Variants in MOB2 observed in about 807,000 individuals in gnomAD.
MOB2 encodes the protein MOB kinase activator 2.
A neutral mutation model predicts 27.4 loss-of-function variants in MOB2; 14 were observed. That is an observed-to-expected ratio of 0.51 (90% confidence interval 0.34 to 0.80). MOB2 has a LOEUF of 0.80. MOB2 is among the 30% of genes least tolerant of loss of function. The pLI is 0.01. For missense variants in MOB2, 304 were observed against 354.6 expected, an observed-to-expected ratio of 0.86 and a Z score of 1.15; for synonymous variants, 167 against 151.8, an observed-to-expected ratio of 1.10 and a Z score of -0.74.
chr11:1,470,470 G>A lies in MOB2; in HGVS notation c.509C>T (p.Ser170Phe). The stretch of plus-strand genomic sequence containing the variant: ...GATCTTCCTCACCAGGGACTCAAAG[G>A]AGCTGGGGAATTCTCTGCCTGGGGA... ...PTKYGREFPS[S>F]FESLVRKICR... The change falls in exon 5 of 5, where the codon TCC becomes TTC. Residue 170 changes from serine to phenylalanine, a missense_variant. Physicochemically the swap from Ser to Phe is radical, Grantham distance 155 (BLOSUM62 -2). Coordinates refer to ENST00000329957, the MANE Select transcript of MOB2 (RefSeq NM_001172223.3). The A allele has an allele frequency of 7.4e-6, 12 of 1,612,264 alleles. No individual in the cohort carries two copies. The highest frequency in any genetic ancestry group is 1.0e-5 in the Non-Finnish European group (12 of 1,178,842).
At chr11:1,471,544 GTGTCTCCCTCCCTGGACATGCACAC>G (rs1393385283) in intron 3 of MOB2, 125 bp from the exon 4 acceptor site, 2 of 1,221,002 alleles carry the variant, frequency 1.6e-6, no homozygotes, top group Middle Eastern at 2.8e-4. Context: ...GCAGACCCAG[GTGTCTCCCTCCCTGGACATGCACAC>G]TGTCCCCACA....
At position 1,480,774 on chromosome 11, in the gene MOB2, C is replaced by G; in HGVS notation, c.222G>C (p.Leu74=). ...ARITDFQFKE[L]VVLPREIDLN... is the part of the protein sequence containing the mutation. ...GGTCAATCTCGCGGGGCAGCACCACCAGCTCCTTGAACTGGAAGTCGGTGA... is the reference window on the plus strand; with the variant it reads ...GGTCAATCTCGCGGGGCAGCACCACGAGCTCCTTGAACTGGAAGTCGGTGA... The change falls in exon 2 of 5, where the codon CTG becomes CTC. Residue 74 remains leucine (L), a synonymous_variant. Transcript: ENST00000329957. 1.2e-6 allele frequency: 2 copies of G among 1,604,842 alleles called. No individual in the cohort carries two copies. Among genetic ancestry groups the G allele is most frequent in the Non-Finnish European group, 1.7e-6 (2 of 1,176,250 alleles).
chr11:1,469,450 C>T (rs1056262374), downstream of MOB2: 3 of 405,268 alleles, frequency 7.4e-6, no homozygotes, highest in African/African-American at 2.0e-5. Context: ...GAGACGTACA[C>T]AGGCTCTGAC....
Position 1,469,483 on chromosome 11 carries a change from G to T in MOB2, c.*689C>A, listed in dbSNP as rs533322029. On this transcript the variant is annotated 3_prime_UTR_variant, in exon 5 of 5. Transcript: ENST00000329957. ...GACCTGAGAGAATTCTTTTTATTAC[G>T]AGTGAACAGATGAACTAAGGTAAGC... 2.2e-6 allele frequency: 1 copy of T among 445,172 alleles called. No individual in the cohort carries two copies. The highest frequency in any genetic ancestry group is 2.0e-5 in the African/African-American group (1 of 49,872). The allele number at this position is 445,172 out of a possible 1,614,324, so 27.6% of individuals were successfully genotyped here.
intron 1 of MOB2, among the ~76,000 whole-genome samples, chr11:1,481,972 C>T (rs1847920780): frequency 6.6e-6 from 1 of 152,144 alleles, no homozygotes. Flanking sequence ...CAGCGAGGCA[C>T]CCAGACTCCA....
At position 1,470,248 on chromosome 11, in the gene MOB2, C is replaced by T; in HGVS notation, c.731G>A (p.Gly244Glu). ...LTEVLCSGAGGVHSGGSGDGA... is the reference protein window; with the variant it reads ...LTEVLCSGAGEVHSGGSGDGA... ...ATCCCCACTGCCCCCACTGTGGACCCCGCCGGCCCCGCTGCATAGCACCTC... is the reference window on the plus strand; with the variant it reads ...ATCCCCACTGCCCCCACTGTGGACCTCGCCGGCCCCGCTGCATAGCACCTC... The change falls in exon 5 of 5, where the codon GGG becomes GAG. Residue 244 changes from glycine to glutamate, a missense_variant. Transcript: ENST00000329957. 1 of 1,612,624 alleles carries T rather than the reference C, an allele frequency of 6.2e-7. No homozygotes were observed. Among genetic ancestry groups the T allele is most frequent in the Non-Finnish European group, 8.5e-7 (1 of 1,179,858 alleles).
intron 1 of MOB2, among the ~76,000 whole-genome samples, chr11:1,483,415 G>A (rs958621665): frequency 1.3e-5 from 2 of 152,230 alleles, no homozygotes; most frequent in Non-Finnish European, 2.9e-5. Flanking sequence ...AAGCAGAAGG[G>A]CAGATGCTGT....
intron 3 of MOB2, 82 bp from the exon 4 acceptor site, chr11:1,471,501 G>T: frequency 6.5e-7 from 1 of 1,528,254 alleles, no homozygotes; most frequent in Non-Finnish European, 8.8e-7. Context: ...CAGGTCATCT[G>T]CGGGCAGAGG....
rs866505190 is a variant in MOB2 at position 1,480,489 on chromosome 11, GGAAGA to G, written c.272-8_272-4del. On this transcript the variant is annotated splice_polypyrimidine_tract_variant and splice_region_variant and intron_variant, in intron 2 of 4. Coordinates refer to ENST00000329957, the MANE Select transcript of MOB2 (RefSeq NM_001172223.3). ...GATGTGGTGGAAAAACGTCGTGGCT[GGAAGA>G]GAAGAGAAGGAGCCAGATGTGAAAA... 8.1e-6 allele frequency: 13 copies of G among 1,613,510 alleles called. No individual in the cohort carries two copies. The highest frequency in any genetic ancestry group is 2.7e-5 in the African/African-American group (2 of 74,954).
chr11:1,484,216 T>C lies in MOB2; in HGVS notation c.110+2231A>G, dbSNP rs926466966. ...GAGGTGAGTGGGCAGCAGCAGGAGGTGGCCCTCATCTGGCACTTCCCACCA... is the reference window on the plus strand; with the variant it reads ...GAGGTGAGTGGGCAGCAGCAGGAGGCGGCCCTCATCTGGCACTTCCCACCA... On this transcript the variant is annotated intron_variant, in intron 1 of 4. Transcript: ENST00000329957. Among the ~76,000 whole-genome samples, 22 of 152,070 alleles carry C rather than the reference T, an allele frequency of 1.4e-4. No homozygotes were observed. In the South Asian group the frequency reaches 3.5e-3, roughly 24 times the overall value.
At chr11:1,484,913 A>C (rs1419887711) in intron 1 of MOB2, among the ~76,000 whole-genome samples, 1 of 152,104 alleles carries the variant, frequency 6.6e-6, no homozygotes, top group Non-Finnish European at 1.5e-5. Flanking sequence ...GCCCCCCCAA[A>C]CAGGTCAGCA....
intron 2 of MOB2, 70 bp downstream of exon 2, chr11:1,480,655 C>T: frequency 6.4e-7 from 1 of 1,563,438 alleles, no homozygotes. Flanking sequence ...CCGTGGGGGT[C>T]CCCCTTGAGG....
At chr11:1,482,662 C>A (rs932981402) in intron 1 of MOB2, among the ~76,000 whole-genome samples, 1 of 152,254 alleles carries the variant, frequency 6.6e-6, no homozygotes, top group Non-Finnish European at 1.5e-5. Flanking sequence ...CAGGGCTGGC[C>A]GGGCCCCGGA....
chr11:1,471,219 T>C, intron 4 of MOB2, 76 bp downstream of exon 4: 4 of 1,520,814 alleles, frequency 2.6e-6, no homozygotes, highest in Non-Finnish European at 3.5e-6. Flanking sequence ...CACAGGAGCT[T>C]GGTCACTTGC....
At chr11:1,483,965 AG>A (rs1415523792) in intron 1 of MOB2, among the ~76,000 whole-genome samples, 2 of 152,288 alleles carry the variant, frequency 1.3e-5, no homozygotes, top group Admixed American at 1.3e-4. Context: ...CTTCACAGGC[AG>A]GGGGAGCTGG....
Position 1,469,558 on chromosome 11 carries a change from C to T in MOB2, c.*614G>A, listed in dbSNP as rs765905472. The T allele has an allele frequency of 5.9e-5, 27 of 456,558 alleles. No homozygotes were observed. The highest frequency in any genetic ancestry group is 1.8e-5 in the Non-Finnish European group (4 of 226,972). The allele number at this position is 456,558 out of a possible 1,614,324, so 28.3% of individuals were successfully genotyped here. On this transcript the variant is annotated 3_prime_UTR_variant, in exon 5 of 5. Coordinates refer to ENST00000329957, the MANE Select transcript of MOB2 (RefSeq NM_001172223.3). ...GCATCTCCACGCAGGGCCTCAGCCC[C>T]GTCCTGGCCTTGCCTGAGGACTGCA...
Position 1,470,424 on chromosome 11 carries a change from C to T in MOB2, c.555G>A (p.Val185=). The change falls in exon 5 of 5, where the codon GTG becomes GTA. Residue 185 remains valine (V), a synonymous_variant. Transcript: ENST00000329957. ...VRKICRHLFH[V]LAHIYWAHFK... ...AGTGGGCCCAGTAGATGTGTGCCAG[C>T]ACGTGGAACAGGTGTCTGCAGATCT... 1 of 1,613,688 alleles carries T rather than the reference C, an allele frequency of 6.2e-7. No homozygotes were observed. The highest frequency in any genetic ancestry group is 8.5e-7 in the Non-Finnish European group (1 of 1,179,880).
intron 1 of MOB2, among the ~76,000 whole-genome samples, chr11:1,485,578 G>A (rs147428249): frequency 7.2e-5 from 11 of 152,196 alleles, no homozygotes; most frequent in African/African-American, 1.4e-4. Context: ...AGATGCACAC[G>A]GGTGCCGCAG....
chr11:1,473,820 C>T (rs1056438089), intron 3 of MOB2, among the ~76,000 whole-genome samples: 4 of 152,242 alleles, frequency 2.6e-5, no homozygotes, highest in Admixed American at 2.0e-4. Context: ...CGGCGGCTTA[C>T]GTGGCCCCTC....
Sources: allele counts gnomAD v4.1 joint callset (sites outside exome capture counted in the v4.1 genomes callset), GRCh38; gene constraint gnomAD v4.1.1; transcripts MANE v1.5; gene names NCBI Gene and HGNC (gene_info 2026-07-23, HGNC 2026-07-21).